ECE1: variants seen among roughly 807,000 people sequenced by gnomAD.
ECE1 encodes endothelin-converting enzyme 1.
In ECE1, 35 loss-of-function variants were observed where a neutral mutation model predicts 98.6. The ratio of observed to expected loss-of-function variants is 0.35; its 90% confidence interval spans 0.27 to 0.47. ECE1 has a LOEUF of 0.47. Among genes scored for constraint, ECE1 ranks in the 20% least tolerant of loss-of-function variants. The pLI is 1.00. For missense variants in ECE1, 814 were observed against 1,025.3 expected, an observed-to-expected ratio of 0.79 and a Z score of 2.81; for synonymous variants, 394 against 407.1, an observed-to-expected ratio of 0.97 and a Z score of 0.39.
chr1:21,227,536 T>C (rs1308906418), intron 15 of ECE1, among the ~76,000 whole-genome samples: 1 of 152,180 alleles, frequency 6.6e-6, no homozygotes, highest in Non-Finnish European at 1.5e-5. Flanking sequence ...ACCAGCTCTA[T>C]TTATGAGTAG....
chr1:21,233,550 G>C lies in ECE1; in HGVS notation c.1670+8C>G. 1 of 1,612,854 alleles carries C rather than the reference G, an allele frequency of 6.2e-7. No homozygotes were observed. The highest frequency in any genetic ancestry group is 8.5e-7 in the Non-Finnish European group (1 of 1,179,686). On this transcript the variant is annotated splice_region_variant and intron_variant, in intron 14 of 18. Coordinates refer to ENST00000374893, the MANE Select transcript of ECE1 (RefSeq NM_001397.3). This position sits in a 1 kb window ranked among gnomAD's most constrained non-coding sequence, Gnocchi z 4.0. Reference sequence around the variant, plus strand: ...GGCACCTTGCCGGCAGGGCCTGGGGGAACTCACTGATCTCTGTTGGGGGCT... The same window carrying C: ...GGCACCTTGCCGGCAGGGCCTGGGGCAACTCACTGATCTCTGTTGGGGGCT...
chr1:21,250,298 T>G lies in ECE1; in HGVS notation c.1021-2935A>C, dbSNP rs540069051. ...CTCAAGTAAAGTTGCATAACTTTTGTTCTGCTCTTGTTCTATTTTCCCCAC... is the reference window on the plus strand; with the variant it reads ...CTCAAGTAAAGTTGCATAACTTTTGGTCTGCTCTTGTTCTATTTTCCCCAC... On this transcript the variant is annotated intron_variant, in intron 8 of 18. Coordinates refer to ENST00000374893, the MANE Select transcript of ECE1 (RefSeq NM_001397.3). Among the ~76,000 whole-genome samples, 835 of 152,334 alleles carry G rather than the reference T, an allele frequency of 5.5e-3. 8 individuals carry two copies. The highest frequency in any genetic ancestry group is 0.014 in the African/African-American group (600 of 41,574).
chr1:21,318,786 T>C (rs557402632), intron 1 of ECE1, among the ~76,000 whole-genome samples: 2 of 152,016 alleles, frequency 1.3e-5, no homozygotes. Context: ...CCCCAGGCAG[T>C]GTGCCAAAAA....
intron 6 of ECE1, 44 bp from the exon 7 acceptor site, chr1:21,257,634 C>A (rs775397983): frequency 6.3e-7 from 1 of 1,593,310 alleles, no homozygotes; most frequent in Non-Finnish European, 8.6e-7. Context: ...TGTTGCAATG[C>A]GTGTATCCAC....
intron 1 of ECE1, among the ~76,000 whole-genome samples, chr1:21,343,948 G>A (rs1334782280): frequency 2.0e-5 from 3 of 152,132 alleles, no homozygotes; most frequent in African/African-American, 7.2e-5. Context: ...TAAATCCAGT[G>A]CTGGTCCACA....
intron 9 of ECE1, among the ~76,000 whole-genome samples, chr1:21,245,487 A>G (rs943524121): frequency 1.3e-5 from 2 of 151,878 alleles, no homozygotes; most frequent in Non-Finnish European, 2.9e-5. Flanking sequence ...GAGGTGCCCC[A>G]GCCAGAAGGC....
At chr1:21,297,530 CTTTT>C (rs768958507) in intron 1 of ECE1, among the ~76,000 whole-genome samples, 4 of 116,188 alleles carry the variant, frequency 3.4e-5, no homozygotes, top group African/African-American at 1.5e-4. Context: ...TTTTCTTTTT[CTTTT>C]TTTTTTTTTT....
intron 1 of ECE1, among the ~76,000 whole-genome samples, chr1:21,295,543 A>C (rs1484926327): frequency 6.6e-6 from 1 of 152,220 alleles, no homozygotes; most frequent in Non-Finnish European, 1.5e-5. Flanking sequence ...AAGTTCCTGA[A>C]AGTGTAAACT....
At chr1:21,261,176 CAGG>C (rs1360954973) in intron 4 of ECE1, among the ~76,000 whole-genome samples, 1 of 152,224 alleles carries the variant, frequency 6.6e-6, no homozygotes, top group African/African-American at 2.4e-5. Context: ...AGCCCTGCTC[CAGG>C]CCATGCCAGA....
intron 1 of ECE1, among the ~76,000 whole-genome samples, chr1:21,344,325 G>A (rs1199254710): frequency 6.6e-6 from 1 of 152,194 alleles, no homozygotes; most frequent in Admixed American, 6.5e-5. Flanking sequence ...GGAGGGGCTG[G>A]ATCACAGGTA....
At chr1:21,244,722 G>A (rs949760656) in intron 10 of ECE1, among the ~76,000 whole-genome samples, 2 of 152,104 alleles carry the variant, frequency 1.3e-5, no homozygotes, top group Admixed American at 6.6e-5. Flanking sequence ...TGCAAAGTGG[G>A]GCTAATAACA....
chr1:21,305,955 G>C (rs951051716), intron 1 of ECE1, among the ~76,000 whole-genome samples: 1 of 152,222 alleles, frequency 6.6e-6, no homozygotes, highest in Admixed American at 6.5e-5. Context: ...CCTGCCCCAA[G>C]GGCTGCTAGG....
At chr1:21,315,251 C>T (rs1403306518) in intron 1 of ECE1, among the ~76,000 whole-genome samples, 1 of 152,208 alleles carries the variant, frequency 6.6e-6, no homozygotes, top group Non-Finnish European at 1.5e-5. Flanking sequence ...GCTCATGTCC[C>T]AAGCAAATAA....
At chr1:21,269,118 T>C (rs212548) in intron 4 of ECE1, among the ~76,000 whole-genome samples, 59,020 of 152,076 alleles carry the variant, frequency 0.39, 12,831 homozygotes, top group African/African-American at 0.6. Context: ...CTGCTCTCCC[T>C]GCCAGCAGTG....
intron 1 of ECE1, among the ~76,000 whole-genome samples, chr1:21,311,509 C>CAAA (rs397979522): frequency 5.3e-4 from 39 of 74,260 alleles, no homozygotes; most frequent in Middle Eastern, 9.1e-3. Context: ...CCTGTCTCCA[C>CAAA]AAAAAAAAAA....
intron 1 of ECE1, among the ~76,000 whole-genome samples, chr1:21,331,832 T>C (rs190239005): frequency 5.3e-5 from 8 of 152,192 alleles, no homozygotes; most frequent in African/African-American, 2.4e-5. Flanking sequence ...AGAAACGCTA[T>C]TATTATTACT....
Position 21,235,765 on chromosome 1 carries a change from G to C in ECE1, c.1566+85C>G, listed in dbSNP as rs1350160907. On this transcript the variant is annotated intron_variant, in intron 13 of 18. Transcript: ENST00000374893. The surrounding 1 kb of genome is among the most constrained non-coding windows in gnomAD (Gnocchi z 4.2). ...TGTTTTGACAACCATGCTGCCTCTA[G>C]CACCCCATCTGGACCCAGCCCTGCC... 2.2e-6 allele frequency: 3 copies of C among 1,378,158 alleles called. No individual in the cohort carries two copies. The highest frequency in any genetic ancestry group is 3.1e-6 in the Non-Finnish European group (3 of 965,608). 85.4% of individuals were successfully genotyped at this position (1,378,158 alleles called of 1,614,324 possible).
chr1:21,319,269 C>T lies in ECE1; in HGVS notation c.3+26107G>A, dbSNP rs1638908180. On this transcript the variant is annotated intron_variant, in intron 1 of 18. Transcript: ENST00000415912. The surrounding 1 kb of genome is among the most constrained non-coding windows in gnomAD (Gnocchi z 4.4). Reference sequence around the variant, plus strand: ...CTGAGGTGGGACAATCGCTTGAACCCGGGAAGTGGAGGTTGCAGTGAGCCG... The same window carrying T: ...CTGAGGTGGGACAATCGCTTGAACCTGGGAAGTGGAGGTTGCAGTGAGCCG... Among the ~76,000 whole-genome samples the T allele has an allele frequency of 6.6e-6, 1 of 152,146 alleles. No individual in the cohort carries two copies. The highest frequency in any genetic ancestry group is 2.1e-4 in the South Asian group (1 of 4,830).
intron 4 of ECE1, among the ~76,000 whole-genome samples, chr1:21,261,343 CAA>C (rs2098226574): frequency 6.6e-6 from 1 of 152,182 alleles, no homozygotes; most frequent in African/African-American, 2.4e-5. Context: ...AGCTCCTTCA[CAA>C]AGACTTTCCT....
Sources: gnomAD v4.1 joint callset for allele counts (sites outside exome capture counted in the v4.1 genomes callset) on GRCh38, gnomAD v4.1.1 for gene constraint, Gnocchi (gnomAD v3.1) non-coding constraint, MANE v1.5 for transcripts, NCBI Gene and HGNC (gene_info 2026-07-23, HGNC 2026-07-21) for gene names.